Variants in POF1B observed in about 807,000 individuals in gnomAD.
POF1B encodes the protein protein POF1B.
A neutral mutation model predicts 55.3 loss-of-function variants in POF1B; 53 were observed. The observed-to-expected ratio is 0.96, with a 90% CI of 0.77 to 1.20. The LOEUF is 1.20. Ranked by LOEUF, POF1B falls within the 50% of genes most tolerant of loss-of-function variation. The pLI is 0.00. For missense variants in POF1B, 478 were observed against 420.5 expected, an observed-to-expected ratio of 1.14 and a Z score of -1.20; for synonymous variants, 188 against 148.3, an observed-to-expected ratio of 1.27 and a Z score of -1.95.
intron 4 of POF1B, among the ~76,000 whole-genome samples, chrX:85,358,064 G>A (rs1334685549): frequency 9.0e-6 from 1 of 111,189 alleles, no homozygotes; most frequent in Non-Finnish European, 1.9e-5. Flanking sequence ...TCTTGTTAAA[G>A]CTACCATCTA....
intron 5 of POF1B, among the ~76,000 whole-genome samples, chrX:85,348,759 T>G (rs1022973243): frequency 6.3e-5 from 7 of 111,671 alleles, no homozygotes; most frequent in African/African-American, 2.3e-4. Flanking sequence ...ATAGCAGCAG[T>G]ATTCTCTTAA....
intron 3 of POF1B, among the ~76,000 whole-genome samples, chrX:85,362,156 G>C (rs1451447574): frequency 9.0e-6 from 1 of 111,109 alleles, no homozygotes. Flanking sequence ...AAGACTATGG[G>C]AGTTTCTAGA....
intron 6 of POF1B, among the ~76,000 whole-genome samples, chrX:85,343,224 GAATTT>G (rs1293653350): frequency 9.1e-6 from 1 of 109,473 alleles, no homozygotes; most frequent in African/African-American, 3.3e-5. Context: ...AAAAAAAGCG[GAATTT>G]AATAAAATTA....
intron 15 of POF1B, among the ~76,000 whole-genome samples, chrX:85,291,452 T>C (rs1932185648): frequency 8.9e-6 from 1 of 112,262 alleles, no homozygotes; most frequent in Non-Finnish European, 1.9e-5. Context: ...TTGAAAAGTT[T>C]TTCTGTAGTT....
intron 6 of POF1B, among the ~76,000 whole-genome samples, chrX:85,343,213 G>GA (rs980868279): frequency 5.5e-5 from 6 of 109,052 alleles, no homozygotes; most frequent in Non-Finnish European, 9.6e-5. Flanking sequence ...ATCTAAAATG[G>GA]AAAAAAAGCG....
In POF1B at chrX:85,304,354, G is replaced by A; in HGVS notation, c.1555C>T (p.Arg519Cys). 2 of 1,183,427 alleles carry A rather than the reference G, an allele frequency of 1.7e-6. No homozygotes were observed. The highest frequency in any genetic ancestry group is 2.4e-4 in the Middle Eastern group (1 of 4,245). ...LLEEKDSLIK[R>C]QSEELSKLRQ... ...CCTTCCTTTTATACCTCTGACTGAC[G>A]CTTTATGAGGGAATCCTTCTCTTCC... Residue 519 changes from arginine to cysteine, a missense_variant, in exon 14 of 17, where the codon CGT becomes TGT. Transcript: ENST00000262753.
chrX:85,306,598 C>G (rs1407095861), intron 11 of POF1B, among the ~76,000 whole-genome samples: 1 of 110,970 alleles, frequency 9.0e-6, no homozygotes, highest in Non-Finnish European at 1.9e-5. Flanking sequence ...TCTTGCTACT[C>G]TGTGACAATA....
chrX:85,373,471 A>T (rs1182485883), intron 2 of POF1B, among the ~76,000 whole-genome samples: 1 of 111,992 alleles, frequency 8.9e-6, no homozygotes, highest in Non-Finnish European at 1.9e-5. Context: ...AATCATATAC[A>T]TGGAAGAGTT....
chrX:85,302,627 A>G (rs1286673791), intron 15 of POF1B, among the ~76,000 whole-genome samples: 1 of 111,671 alleles, frequency 9.0e-6, no homozygotes, highest in Non-Finnish European at 1.9e-5. Flanking sequence ...TTGTACACAG[A>G]CGTTCACAGC....
Position 85,303,459 on chromosome X carries a change from A to T in POF1B, c.1596T>A (p.Tyr532Ter). Residue 532 changes from tyrosine to a stop codon, truncating the protein, a stop_gained, in exon 15 of 17, where the codon TAT becomes TAA. Coordinates refer to ENST00000262753, the MANE Select transcript of POF1B (RefSeq NM_024921.4). LOFTEE classifies it high-confidence loss of function. ...CAGTGGAGGGTTGGTTATGAGAGGA[A>T]TATATTTCTTGCCGCAACTTGGAGA... Reference protein sequence around the residue: ...EELSKLRQEIYSSHNQPSTGG... With the variant: ...EELSKLRQEI The T allele has an allele frequency of 8.4e-7, 1 of 1,193,687 alleles. No individual in the cohort carries two copies. The highest frequency in any genetic ancestry group is 1.1e-6 in the Non-Finnish European group (1 of 881,691).
intron 5 of POF1B, among the ~76,000 whole-genome samples, chrX:85,350,905 G>A (rs1420377968): frequency 1.8e-5 from 2 of 111,124 alleles, no homozygotes; most frequent in African/African-American, 6.5e-5. Context: ...TGTACTAGAA[G>A]CTTTAGTTTT....
intron 16 of POF1B, among the ~76,000 whole-genome samples, chrX:85,281,179 C>CT (rs58815023): frequency 2.7e-3 from 266 of 99,865 alleles, no homozygotes; most frequent in East Asian, 0.016. Context: ...CATGTACAGA[C>CT]TTTTTTTTTT....
At chrX:85,318,525 T>G in intron 7 of POF1B, among the ~76,000 whole-genome samples, 2 of 112,210 alleles carry the variant, frequency 1.8e-5, no homozygotes, top group Middle Eastern at 9.1e-3. Context: ...AAGACTTTAA[T>G]CCAACTTGAG....
At chrX:85,350,519 A>G (rs1933360742) in intron 5 of POF1B, among the ~76,000 whole-genome samples, 1 of 110,891 alleles carries the variant, frequency 9.0e-6, no homozygotes, top group Non-Finnish European at 1.9e-5. Flanking sequence ...TTATAGCAGC[A>G]TGATTTATAG....
intron 6 of POF1B, among the ~76,000 whole-genome samples, chrX:85,338,595 G>T (rs1203893320): frequency 9.0e-6 from 1 of 111,721 alleles, no homozygotes; most frequent in Non-Finnish European, 1.9e-5. Context: ...TGAGTATCAA[G>T]AATTTGCAAA....
chrX:85,321,136 C>A (rs1206269873), intron 7 of POF1B, among the ~76,000 whole-genome samples: 8 of 111,295 alleles, frequency 7.2e-5, no homozygotes, highest in Non-Finnish European at 1.1e-4. Context: ...AGAGACACAA[C>A]CAAAAAAGAG....
chrX:85,294,964 T>C (rs1402562895), intron 15 of POF1B, among the ~76,000 whole-genome samples: 2 of 111,917 alleles, frequency 1.8e-5, no homozygotes, highest in Admixed American at 1.9e-4. Flanking sequence ...AGGGTATGTG[T>C]TTTTATGAAT....
intron 7 of POF1B, among the ~76,000 whole-genome samples, chrX:85,330,744 C>T (rs1382670974): frequency 9.0e-6 from 1 of 111,037 alleles, no homozygotes; most frequent in African/African-American, 3.3e-5. Context: ...GTGCAGCACA[C>T]CAACATGGCG....
At chrX:85,352,345 T>C (rs73513688) in intron 4 of POF1B, among the ~76,000 whole-genome samples, 3,188 of 110,812 alleles carry the variant, frequency 0.029, 91 homozygotes, top group African/African-American at 0.084. Context: ...TAGAAGACCA[T>C]ATAGGCAAGT....
Sources: allele counts gnomAD v4.1 joint callset (sites outside exome capture counted in the v4.1 genomes callset), GRCh38; gene constraint gnomAD v4.1.1; transcripts MANE v1.5; gene names NCBI Gene and HGNC (gene_info 2026-07-23, HGNC 2026-07-21).